Variants in RORA observed in about 807,000 individuals in gnomAD.
The protein encoded by RORA is RAR related orphan receptor A.
A neutral mutation model predicts 69.5 loss-of-function variants in RORA; 7 were observed. The observed-to-expected ratio is 0.10, with a 90% CI of 0.06 to 0.19. The LOEUF (loss-of-function observed/expected upper bound fraction) is 0.19, where lower values mean the gene tolerates loss of function less well. Ranked by LOEUF, RORA falls within the 10% of genes least tolerant of loss-of-function variation. RORA has a pLI of 1.00. For missense variants in RORA, 457 were observed against 663.0 expected, an observed-to-expected ratio of 0.69 and a Z score of 3.41; for synonymous variants, 261 against 240.8, an observed-to-expected ratio of 1.08 and a Z score of -0.78.
At chr15:60,612,592 C>T (rs193173534) in intron 2 of RORA, among the ~76,000 whole-genome samples, 1 of 151,790 alleles carries the variant, frequency 6.6e-6, no homozygotes, top group East Asian at 1.9e-4. Context: ...TAGAACAAGC[C>T]TGCTGTCATA....
At chr15:60,938,328 C>G (rs2140320608) in intron 1 of RORA, among the ~76,000 whole-genome samples, 1 of 152,300 alleles carries the variant, frequency 6.6e-6, no homozygotes, top group Non-Finnish European at 1.5e-5. Context: ...TATCTTCACC[C>G]TATCATTCCA....
rs1201281562 is a variant in RORA at position 60,496,859 on chromosome 15, CAA to C, written c.*594_*595del. ...TAACTACATTTTATATTACTTAAAA[CAA>C]TATATAAACAATATCTCTTTTAGCT... On this transcript the variant is annotated 3_prime_UTR_variant, in exon 11 of 11. Transcript: ENST00000335670. This position sits in a 1 kb window ranked among gnomAD's most constrained non-coding sequence, Gnocchi z 4.5. The C allele has an allele frequency of 6.6e-6, 1 of 152,166 alleles. No individual in the cohort carries two copies. The highest frequency in any genetic ancestry group is 1.5e-5 in the Non-Finnish European group (1 of 68,040). 9.4% of individuals were successfully genotyped at this position (152,166 alleles called of 1,614,324 possible).
rs59750504 is a variant in RORA, at chr15:61,212,258, T to TAA, written c.166+16793_166+16794dup. ...GAAAGGGTTGTTTGTTTGTTTGTTTTAAAAAAAAAAGGCTGCAACACTTCA... is the reference window on the plus strand; with the variant it reads ...GAAAGGGTTGTTTGTTTGTTTGTTTTAAAAAAAAAAAAGGCTGCAACACTTCA... On this transcript the variant is annotated intron_variant, in intron 1 of 10. Coordinates refer to ENST00000335670, the MANE Select transcript of RORA (RefSeq NM_134261.3). Among the ~76,000 whole-genome samples, 654 of 149,076 alleles carry TAA rather than the reference T, an allele frequency of 4.4e-3. 4 individuals carry two copies. Among genetic ancestry groups the TAA allele is most frequent in the Non-Finnish European group, 5.8e-3 (390 of 67,030 alleles).
chr15:60,852,374 T>A (rs574069554), intron 1 of RORA, among the ~76,000 whole-genome samples: 2 of 152,350 alleles, frequency 1.3e-5, no homozygotes, highest in South Asian at 4.1e-4. Context: ...CTGTGCGTGA[T>A]GCTTGGCAAG....
chr15:61,059,462 T>C lies in RORA; in HGVS notation c.166+169591A>G, dbSNP rs536793495. On this transcript the variant is annotated intron_variant, in intron 1 of 10. Transcript: ENST00000335670. ...TTCACTTTAAGTTCCCTGAGTAGCA[T>C]AGAGTTATTCAAATGTACCTATTTA... Among the ~76,000 whole-genome samples, 32 of 152,366 alleles carry C rather than the reference T, an allele frequency of 2.1e-4. No individual in the cohort carries two copies. In the South Asian group the frequency reaches 4.8e-3, roughly 23 times the overall value.
In RORA at chr15:61,196,255, T is replaced by G. The variant is rs148410329; in HGVS notation, c.166+32798A>C. Reference sequence around the variant, plus strand: ...TAACTTGAAGAGCTGGGTAGCAGCTTATGCTGAATAGCTGCAATATCAGAC... The same window carrying G: ...TAACTTGAAGAGCTGGGTAGCAGCTGATGCTGAATAGCTGCAATATCAGAC... On this transcript the variant is annotated intron_variant, in intron 1 of 10. Coordinates refer to ENST00000335670, the MANE Select transcript of RORA (RefSeq NM_134261.3). Among the ~76,000 whole-genome samples the G allele has an allele frequency of 1.5e-3, 233 of 152,358 alleles. 2 individuals carry two copies. Among genetic ancestry groups the G allele is most frequent in the African/African-American group, 5.3e-3 (221 of 41,592 alleles).
intron 2 of RORA, among the ~76,000 whole-genome samples, chr15:60,607,949 A>T (rs913404797): frequency 1.3e-5 from 2 of 152,248 alleles, no homozygotes; most frequent in African/African-American, 4.8e-5. Context: ...ATGCACACAC[A>T]TGATACCGAT....
chr15:60,789,124 T>C (rs896456995), intron 1 of RORA, among the ~76,000 whole-genome samples: 26 of 152,090 alleles, frequency 1.7e-4, no homozygotes, highest in African/African-American at 5.8e-4. Flanking sequence ...AGAAGAGTGA[T>C]TTTTCCTTGA....
intron 2 of RORA, among the ~76,000 whole-genome samples, chr15:60,535,527 G>A (rs1171965946): frequency 6.6e-6 from 1 of 152,180 alleles, no homozygotes; most frequent in Non-Finnish European, 1.5e-5. Flanking sequence ...GGTCCTTGGG[G>A]CTAGGCTGTC....
intron 2 of RORA, among the ~76,000 whole-genome samples, chr15:60,613,924 A>G (rs951756569): frequency 6.6e-5 from 10 of 150,632 alleles, no homozygotes; most frequent in Admixed American, 5.9e-4. Flanking sequence ...AACAACTGAT[A>G]TCTCATATGG....
chr15:60,562,384 T>TGCCAATATGC lies in RORA; in HGVS notation c.197-30543_197-30534dup, dbSNP rs143704912. Among the ~76,000 whole-genome samples, 133 of 150,794 alleles carry TGCCAATATGC rather than the reference T, an allele frequency of 8.8e-4. 1 individual carries two copies. In the East Asian group the frequency reaches 0.021, roughly 24 times the overall value. ...CTGAGTAACTGGGATGACAGGCATG[T>TGCCAATATGC]GCCAATATGCCCAGCTAGTTTTTAC... On this transcript the variant is annotated intron_variant, in intron 2 of 10. Coordinates refer to ENST00000335670, the MANE Select transcript of RORA (RefSeq NM_134261.3).
rs57223174 is a variant in RORA at position 61,108,994 on chromosome 15, T to C, written c.166+120059A>G. 7.0e-3 allele frequency among the ~76,000 whole-genome samples: 1,067 copies of C among 152,206 alleles called. 11 individuals carry two copies. Among genetic ancestry groups the C allele is most frequent in the African/African-American group, 0.024 (1,012 of 41,528 alleles). On this transcript the variant is annotated intron_variant, in intron 1 of 10. Transcript: ENST00000335670. ...CAGGCAGATCATGAGGTCAGGAGAC[T>C]GAGACTTCCTGGCCAACATGGTAAA...
At chr15:60,688,823 C>T (rs1392084611) in intron 1 of RORA, among the ~76,000 whole-genome samples, 1 of 152,202 alleles carries the variant, frequency 6.6e-6, no homozygotes, top group Non-Finnish European at 1.5e-5. Flanking sequence ...GGAAAACCAC[C>T]ACCCTTTAGC....
chr15:60,607,241 CT>C (rs920136608), intron 2 of RORA, among the ~76,000 whole-genome samples: 62 of 152,322 alleles, frequency 4.1e-4, no homozygotes, highest in African/African-American at 1.4e-3. Flanking sequence ...TTACAGCATA[CT>C]GTACACACCA....
At chr15:61,007,750 A>ATGTTATATATTATATATAACATTAGGC (rs1894954841) in intron 1 of RORA, among the ~76,000 whole-genome samples, 3 of 148,328 alleles carry the variant, frequency 2.0e-5, no homozygotes, top group South Asian at 2.1e-4. Flanking sequence ...CATTAGCCTA[A>ATGTTATATATTATATATAACATTAGGC]TGTTATATAT....
chr15:60,760,931 GC>G (rs35503805), intron 1 of RORA, among the ~76,000 whole-genome samples: 32,657 of 151,984 alleles, frequency 0.21, 4,319 homozygotes, highest in African/African-American at 0.38. Flanking sequence ...TGAGATTGTT[GC>G]TTTTGTAGAT....
intron 1 of RORA, among the ~76,000 whole-genome samples, chr15:61,132,835 T>C (rs1181051509): frequency 6.6e-6 from 1 of 152,202 alleles, no homozygotes; most frequent in Non-Finnish European, 1.5e-5. Flanking sequence ...GGTACATTTA[T>C]ATGATTGACC....
chr15:60,518,782 A>T (rs1395085066), intron 3 of RORA, among the ~76,000 whole-genome samples: 2 of 152,154 alleles, frequency 1.3e-5, no homozygotes, highest in Admixed American at 6.5e-5. Flanking sequence ...GTTTCCCCAC[A>T]TCCCTCTCCC....
intron 2 of RORA, among the ~76,000 whole-genome samples, chr15:60,657,120 C>G (rs977472202): frequency 6.6e-6 from 1 of 152,160 alleles, no homozygotes; most frequent in African/African-American, 2.4e-5. Flanking sequence ...TCCAGGGTTT[C>G]TTGAACAAAG....
Sources: allele counts gnomAD v4.1 joint callset (sites outside exome capture counted in the v4.1 genomes callset), GRCh38; gene constraint gnomAD v4.1.1; non-coding constraint Gnocchi (gnomAD v3.1); transcripts MANE v1.5; gene names NCBI Gene and HGNC (gene_info 2026-07-23, HGNC 2026-07-21).